The following DAB1 variants were observed in gnomAD, a reference collection of about 807,000 sequenced individuals.
DAB1 encodes the protein DAB adaptor protein 1, also known as disabled homolog 1.
In DAB1, 15 loss-of-function variants were observed where a neutral mutation model predicts 64.6. The ratio of observed to expected loss-of-function variants is 0.23; its 90% confidence interval spans 0.16 to 0.36. The LOEUF is 0.36. DAB1 is among the 10% of genes least tolerant of loss of function. DAB1 has a pLI of 1.00. For missense variants in DAB1, 596 were observed against 706.7 expected, an observed-to-expected ratio of 0.84 and a Z score of 1.78; for synonymous variants, 235 against 251.9, an observed-to-expected ratio of 0.93 and a Z score of 0.64.
At chr1:57,620,639 G>A (rs747944932) in intron 7 of DAB1, among the ~76,000 whole-genome samples, 22 of 152,214 alleles carry the variant, frequency 1.4e-4, no homozygotes, top group Non-Finnish European at 2.8e-4. Flanking sequence ...CACAGTGCCA[G>A]GCACCCAGAC....
intron 6 of DAB1, among the ~76,000 whole-genome samples, chr1:57,743,712 C>A (rs567589976): frequency 1.7e-4 from 26 of 152,228 alleles, no homozygotes; most frequent in African/African-American, 5.1e-4. Flanking sequence ...CCTAACCCAG[C>A]GGCGCTAGAG....
intron 6 of DAB1, among the ~76,000 whole-genome samples, chr1:57,808,484 T>C (rs770584436): frequency 6.6e-6 from 1 of 152,192 alleles, no homozygotes; most frequent in Non-Finnish European, 1.5e-5. Flanking sequence ...AGCTCTGTGC[T>C]TGGCACATGG....
chr1:57,562,036 C>T (rs1460521370), intron 7 of DAB1, among the ~76,000 whole-genome samples: 1 of 152,206 alleles, frequency 6.6e-6, no homozygotes, highest in African/African-American at 2.4e-5. Context: ...CATGGTATTC[C>T]ACACAGCGCT....
At chr1:58,329,433 T>C (rs1662920690) in intron 4 of DAB1, among the ~76,000 whole-genome samples, 1 of 152,270 alleles carries the variant, frequency 6.6e-6, no homozygotes, top group Non-Finnish European at 1.5e-5. Flanking sequence ...TTAGAGCAGA[T>C]AGTTTTTAAT....
chr1:58,536,459 C>G (rs963785812), intron 1 of DAB1: 1 of 759,784 alleles, frequency 1.3e-6, no homozygotes, highest in Non-Finnish European at 2.3e-6. Flanking sequence ...AGATACTTTC[C>G]TACTTTGAGT....
At chr1:57,367,004 C>T (rs981325621) in intron 1 of DAB1, among the ~76,000 whole-genome samples, 5 of 148,054 alleles carry the variant, frequency 3.4e-5, no homozygotes, top group South Asian at 4.2e-4. Context: ...CCCAGGAGTT[C>T]GAGACCAGCC....
intron 4 of DAB1, among the ~76,000 whole-genome samples, chr1:57,073,508 C>T (rs538957139): frequency 6.6e-6 from 1 of 152,280 alleles, no homozygotes; most frequent in African/African-American, 2.4e-5. Context: ...CTACTTGAAA[C>T]AATCCTCATT....
At chr1:58,317,435 CT>C (rs1394800892) in intron 4 of DAB1, among the ~76,000 whole-genome samples, 13 of 152,210 alleles carry the variant, frequency 8.5e-5, no homozygotes, top group African/African-American at 3.1e-4. Flanking sequence ...CATGTAAAGC[CT>C]TAAAAATACA....
upstream of DAB1, among the ~76,000 whole-genome samples, chr1:57,425,593 C>A (rs555756704): frequency 5.3e-5 from 8 of 152,260 alleles, no homozygotes; most frequent in South Asian, 1.7e-3. Flanking sequence ...GAGACCTGAG[C>A]AAACGGAGGC....
intron 5 of DAB1, among the ~76,000 whole-genome samples, chr1:58,045,999 G>T (rs1312579544): frequency 1.3e-5 from 2 of 151,354 alleles, no homozygotes; most frequent in African/African-American, 4.9e-5. Flanking sequence ...AATTTTCAGG[G>T]TTTTAAGGTT....
intron 2 of DAB1, among the ~76,000 whole-genome samples, chr1:58,525,790 G>A (rs1460907764): frequency 6.6e-6 from 1 of 152,058 alleles, no homozygotes. Context: ...AACACTGGAG[G>A]ACAGAAGCTT....
In DAB1 at chr1:58,316,417, T is replaced by C. The variant is rs566116693; in HGVS notation, n.309+26935A>G. On this transcript the variant is annotated intron_variant and non_coding_transcript_variant, in intron 4 of 20. Coordinates refer to the DAB1 transcript ENST00000485760. Reference sequence around the variant, plus strand: ...AGCAAGGAAACAGAGTCTAAGTTCATTGATTCAGCACTCATTTACTGAGGT... The same window carrying C: ...AGCAAGGAAACAGAGTCTAAGTTCACTGATTCAGCACTCATTTACTGAGGT... 7.9e-5 allele frequency among the ~76,000 whole-genome samples: 12 copies of C among 152,278 alleles called. No homozygotes were observed. The Middle Eastern group carries it at 0.014, about 173-fold the overall frequency.
intron 7 of DAB1, among the ~76,000 whole-genome samples, chr1:57,522,529 G>A (rs1644540429): frequency 1.3e-5 from 2 of 152,150 alleles, no homozygotes; most frequent in African/African-American, 4.8e-5. Flanking sequence ...GGGTTTAATG[G>A]ACTCACAGTT....
intron 5 of DAB1, among the ~76,000 whole-genome samples, chr1:58,128,135 G>T (rs866702252): frequency 0.015 from 2,234 of 151,998 alleles, 28 homozygotes; most frequent in Non-Finnish European, 0.024. Flanking sequence ...TTTATTTCCT[G>T]GAGCAGTGGT....
In DAB1 at chr1:58,335,912, A is replaced by G. The variant is rs1663106700; in HGVS notation, n.309+7440T>C. On this transcript the variant is annotated intron_variant and non_coding_transcript_variant, in intron 4 of 20. Coordinates refer to the DAB1 transcript ENST00000485760. ...GGGTTCTGTTTTGGCTGCATTACCT[A>G]CAAGGTGCTTCACATCTGAATGAAC... Among the ~76,000 whole-genome samples the G allele has an allele frequency of 2.6e-5, 4 of 152,298 alleles. No homozygotes were observed. The South Asian group carries it at 6.2e-4, about 24-fold the overall frequency.
chr1:57,303,362 C>T (rs530826331), intron 1 of DAB1, among the ~76,000 whole-genome samples: 1 of 152,298 alleles, frequency 6.6e-6, no homozygotes, highest in South Asian at 2.1e-4. Flanking sequence ...CTGCCTTTCG[C>T]CCCAGTCCAG....
chr1:58,447,438 TC>T (rs756078081), intron 3 of DAB1, among the ~76,000 whole-genome samples: 3 of 152,220 alleles, frequency 2.0e-5, no homozygotes, highest in African/African-American at 4.8e-5. Flanking sequence ...CAGTTTTTTT[TC>T]CTATTGATAT....
intron 3 of DAB1, among the ~76,000 whole-genome samples, chr1:58,378,959 C>G (rs1171785069): frequency 7.5e-6 from 1 of 133,970 alleles, no homozygotes; most frequent in Non-Finnish European, 1.6e-5. Context: ...GCGTCCGTCA[C>G]CCCTTTCTTT....
intron 6 of DAB1, among the ~76,000 whole-genome samples, chr1:57,738,526 A>G (rs1647805524): frequency 6.6e-6 from 1 of 152,050 alleles, no homozygotes; most frequent in South Asian, 2.1e-4. Flanking sequence ...CCTACAGCCA[A>G]CAACCTATTT....
Sources: allele counts gnomAD v4.1 joint callset (sites outside exome capture counted in the v4.1 genomes callset), GRCh38; gene constraint gnomAD v4.1.1; transcripts MANE v1.5; gene names NCBI Gene and HGNC (gene_info 2026-07-23, HGNC 2026-07-21).